Variants in ACOT4 observed in about 807,000 individuals in gnomAD.
The protein encoded by ACOT4 is peroxisomal succinyl-coenzyme A thioesterase.
Under a neutral mutation model 17.1 loss-of-function variants are expected in ACOT4, and 18 were observed. That is an observed-to-expected ratio of 1.05 (90% CI 0.73 to 1.56). The LOEUF is 1.56. Among genes scored for constraint, ACOT4 ranks in the 40% most tolerant of loss-of-function variants. The probability of loss-of-function intolerance (pLI) is 0.00; values close to 1 mark genes in which losing one functional copy is unlikely to be tolerated. For synonymous variants in ACOT4, 234 were observed against 236.6 expected (o/e 0.99, Z 0.10); for missense variants, 574 against 557.2 (o/e 1.03, Z -0.30).
chr14:73,592,973 G>GA, intron 1 of ACOT4, among the ~76,000 whole-genome samples: 1 of 152,362 alleles, frequency 6.6e-6, no homozygotes, highest in South Asian at 2.1e-4. Context: ...TTCTGCAGAT[G>GA]AAAAAACAGG....
intron 1 of ACOT4, among the ~76,000 whole-genome samples, chr14:73,592,867 GA>G (rs1041308970): frequency 2.0e-5 from 3 of 151,800 alleles, no homozygotes; most frequent in African/African-American, 7.3e-5. Flanking sequence ...AAAGAAAAAA[GA>G]AAAAAAAGGA....
intron 1 of ACOT4, among the ~76,000 whole-genome samples, chr14:73,593,499 G>T (rs1595178841): frequency 6.8e-6 from 1 of 147,274 alleles, no homozygotes; most frequent in Non-Finnish European, 1.5e-5. Context: ...CCACCACACT[G>T]ACTAATTAAA....
At position 73,595,130 on chromosome 14, in the gene ACOT4, G is replaced by A. The variant is rs1595179520; in HGVS notation, c.742G>A (p.Val248Ile). The change falls in exon 3 of 3, where the codon GTC becomes ATC. Residue 248 changes from valine to isoleucine, a missense_variant. Physicochemically the swap from Val to Ile is conservative, Grantham distance 29. Coordinates refer to ENST00000326303, the MANE Select transcript of ACOT4 (RefSeq NM_152331.4). ...CLSMASFLKN[V>I]SATVSINGSG... ...CTCAATGGCCTCATTCTTGAAGAAT[G>A]TCTCAGCCACAGTTTCCATCAATGG... is the stretch of plus-strand genomic sequence containing the variant. 1 of 1,614,224 alleles carries A rather than the reference G, an allele frequency of 6.2e-7. No individual in the cohort carries two copies. The highest frequency in any genetic ancestry group is 1.3e-5 in the African/African-American group (1 of 75,072).
Position 73,592,091 on chromosome 14 carries a change from G to A in ACOT4, c.132G>A (p.Ala44=). Residue 44 remains alanine, a synonymous_variant, in exon 1 of 3, where the codon GCG becomes GCA. Transcript: ENST00000326303. The part of the protein sequence containing the change: ...LRASLRDEKG[A]LFRAHARYCA... ...CGTCCCTGCGCGACGAGAAGGGCGC[G>A]CTCTTCCGGGCCCACGCGCGCTACT... is the stretch of plus-strand genomic sequence containing the variant. 6.7e-7 allele frequency: 1 copy of A among 1,489,526 alleles called. No homozygotes were observed. The highest frequency in any genetic ancestry group is 8.9e-7 in the Non-Finnish European group (1 of 1,121,852). The allele number at this position is 1,489,526 out of a possible 1,614,324, so 92.3% of individuals were successfully genotyped here. A position where few individuals can be genotyped will look rare whatever the true frequency, so the allele number is the denominator to read the frequency against.
intron 2 of ACOT4, among the ~76,000 whole-genome samples, chr14:73,594,443 C>T (rs201811330): frequency 9.2e-5 from 1 of 10,898 alleles, no homozygotes; most frequent in Non-Finnish European, 1.5e-4. Flanking sequence ...TGTGGCTCAG[C>T]GGCTCAGCGG....
rs144230036 is a variant in ACOT4 at position 73,595,707 on chromosome 14, G to A, written c.*53G>A. The A allele has an allele frequency of 2.4e-3, 3,571 of 1,495,136 alleles. 79 individuals carry two copies. The African/African-American group carries it at 0.044, about 18-fold the overall frequency. The allele number at this position is 1,495,136 out of a possible 1,614,324, so 92.6% of individuals were successfully genotyped here. ...ATTCAAGATCAGATTCTAGTGTTCAGTAACCCTATGTGAATCAGATGTCTC... is the reference window on the plus strand; with the variant it reads ...ATTCAAGATCAGATTCTAGTGTTCAATAACCCTATGTGAATCAGATGTCTC... On this transcript the variant is annotated 3_prime_UTR_variant, in exon 3 of 3. Coordinates refer to ENST00000326303, the MANE Select transcript of ACOT4 (RefSeq NM_152331.4).
At chr14:73,593,215 G>T (rs1890183568) in intron 1 of ACOT4, among the ~76,000 whole-genome samples, 1 of 151,948 alleles carries the variant, frequency 6.6e-6, no homozygotes, top group South Asian at 2.1e-4. Flanking sequence ...CCATCTCTGG[G>T]TATTTCTTTT....
chr14:73,594,074 G>C (rs1048254862), intron 2 of ACOT4, among the ~76,000 whole-genome samples, 170 bp downstream of exon 2: 5 of 152,132 alleles, frequency 3.3e-5, no homozygotes, highest in Admixed American at 2.6e-4. Context: ...ATGAATTTGT[G>C]ATATAGAATT....
intron 1 of ACOT4, 106 bp downstream of exon 1, chr14:73,592,522 G>A: frequency 7.6e-7 from 1 of 1,317,062 alleles, no homozygotes; most frequent in Non-Finnish European, 1.0e-6. Context: ...GATCAGAGAA[G>A]CTAACATTGA....
intron 2 of ACOT4, 51 bp from the exon 3 acceptor site, chr14:73,594,998 C>G (rs1890221393): frequency 6.3e-7 from 1 of 1,596,142 alleles, no homozygotes; most frequent in African/African-American, 1.3e-5. Context: ...AGCCACCGCA[C>G]CCAATCTGGA....
In ACOT4 at chr14:73,593,811, T is replaced by G. The variant is rs74553611; in HGVS notation, c.567T>G (p.Ala189=). 9.3e-7 allele frequency: 1 copy of G among 1,073,002 alleles called. No homozygotes were observed. Among genetic ancestry groups the G allele is most frequent in the Non-Finnish European group, 1.4e-6 (1 of 724,140 alleles). The allele number at this position is 1,073,002 out of a possible 1,614,324, so 66.5% of individuals were successfully genotyped here. A position where few individuals can be genotyped will look rare whatever the true frequency, so the allele number is the denominator to read the frequency against. The change falls in exon 2 of 3, where the codon GCT becomes GCG. Residue 189 remains alanine, a synonymous_variant. Transcript: ENST00000326303. ...AGHGFATLAL[A]YYNFEDLPNN... ...ATGGCTTTGCCACGTTGGCTCTAGCTTATTATAACTTTGAAGATCTCCCCA... is the reference window on the plus strand; with the variant it reads ...ATGGCTTTGCCACGTTGGCTCTAGCGTATTATAACTTTGAAGATCTCCCCA...
chr14:73,595,419 C>T lies in ACOT4; in HGVS notation c.1031C>T (p.Ala344Val). The T allele has an allele frequency of 6.2e-7, 1 of 1,614,196 alleles. No individual in the cohort carries two copies. ...YAQTVSERLQAHGKEKPQIIC... is the reference protein window; with the variant it reads ...YAQTVSERLQVHGKEKPQIIC... ...CAAACAGTCTCTGAACGGTTACAGGCCCATGGAAAGGAAAAACCCCAGATC... is the reference window on the plus strand; with the variant it reads ...CAAACAGTCTCTGAACGGTTACAGGTCCATGGAAAGGAAAAACCCCAGATC... Residue 344 changes from alanine (A) to valine (V), a missense_variant, in exon 3 of 3, where the codon GCC becomes GTC. Coordinates refer to ENST00000326303, the MANE Select transcript of ACOT4 (RefSeq NM_152331.4).
chr14:73,592,483 G>T, intron 1 of ACOT4, 67 bp downstream of exon 1: 1 of 1,415,114 alleles, frequency 7.1e-7, no homozygotes, highest in Non-Finnish European at 9.2e-7. Context: ...TTCCAGTGCT[G>T]ATTTAGCACT....
intron 1 of ACOT4, among the ~76,000 whole-genome samples, 175 bp downstream of exon 1, chr14:73,592,591 G>C (rs1288600171): frequency 6.6e-6 from 1 of 152,220 alleles, no homozygotes; most frequent in African/African-American, 2.4e-5. Flanking sequence ...GGTGACTAAC[G>C]CCTGTAATCC....
Position 73,595,373 on chromosome 14 carries a change from T to C in ACOT4, c.985T>C (p.Trp329Arg). ...LLIVGQDDHN[W>R]RSELYAQTVS... is the part of the protein sequence containing the mutation. ...CATTGTTGGTCAGGATGACCATAACTGGAGAAGTGAGTTGTATGCCCAAAC... is the reference window on the plus strand; with the variant it reads ...CATTGTTGGTCAGGATGACCATAACCGGAGAAGTGAGTTGTATGCCCAAAC... The change falls in exon 3 of 3, where the codon TGG becomes CGG. Residue 329 changes from tryptophan (W) to arginine (R), a missense_variant. Transcript: ENST00000326303. 1 of 1,614,238 alleles carries C rather than the reference T, an allele frequency of 6.2e-7. No individual in the cohort carries two copies.
In ACOT4 at chr14:73,595,744, T is replaced by G; in HGVS notation, c.*90T>G. On this transcript the variant is annotated 3_prime_UTR_variant, in exon 3 of 3. Coordinates refer to ENST00000326303, the MANE Select transcript of ACOT4 (RefSeq NM_152331.4). ...GAATCAGATGTCTCCTGGATAACAT[T>G]AAAGCCATGTCTTTGTCATTAATGG... The G allele has an allele frequency of 7.2e-7, 1 of 1,395,486 alleles. No individual in the cohort carries two copies. Among genetic ancestry groups the G allele is most frequent in the Middle Eastern group, 2.7e-4 (1 of 3,696 alleles). 86.4% of individuals were successfully genotyped at this position (1,395,486 alleles called of 1,614,324 possible).
chr14:73,591,942 C>T lies in ACOT4; in HGVS notation c.-18C>T, dbSNP rs1890153659. ...GGTCTCGGGCCTCGACCTTTGAATTCCCCGCTCCGGCTCCAAGATGTCAGC... is the reference window on the plus strand; with the variant it reads ...GGTCTCGGGCCTCGACCTTTGAATTTCCCGCTCCGGCTCCAAGATGTCAGC... On this transcript the variant is annotated 5_prime_UTR_variant, in exon 1 of 3. Coordinates refer to ENST00000326303, the MANE Select transcript of ACOT4 (RefSeq NM_152331.4). 2.9e-6 allele frequency: 4 copies of T among 1,361,480 alleles called. No homozygotes were observed. The South Asian group carries it at 5.7e-5, about 19-fold the overall frequency. The allele number at this position is 1,361,480 out of a possible 1,614,324, so 84.3% of individuals were successfully genotyped here. A position where few individuals can be genotyped will look rare whatever the true frequency, so the allele number is the denominator to read the frequency against.
chr14:73,592,481 C>T (rs1308361911), intron 1 of ACOT4, 65 bp downstream of exon 1: 4 of 1,432,848 alleles, frequency 2.8e-6, no homozygotes, highest in Non-Finnish European at 3.6e-6. Flanking sequence ...GTTTCCAGTG[C>T]TGATTTAGCA....
intron 1 of ACOT4, 26 bp from the exon 2 acceptor site, chr14:73,593,676 T>A: frequency 6.4e-7 from 1 of 1,573,514 alleles, no homozygotes; most frequent in South Asian, 1.1e-5. Flanking sequence ...TATAATGGCT[T>A]ACATTTATAA....
Sources: allele counts gnomAD v4.1 joint callset (sites outside exome capture counted in the v4.1 genomes callset), GRCh38; gene constraint gnomAD v4.1.1; transcripts MANE v1.5; gene names NCBI Gene and HGNC (gene_info 2026-07-23, HGNC 2026-07-21).